Variants in ZNF654 observed in about 807,000 individuals in gnomAD.
ZNF654 encodes melanoma-associated antigen.
ZNF654 carries 19 observed loss-of-function variants against 95.3 expected under a neutral mutation model. The observed-to-expected ratio is 0.20, with a 90% CI of 0.14 to 0.29. ZNF654 has a LOEUF of 0.29. Among genes scored for constraint, ZNF654 ranks in the 10% least tolerant of loss-of-function variants. ZNF654 has a pLI of 1.00. For missense variants in ZNF654, 1,046 were observed against 1,341.0 expected (o/e 0.78, Z 3.44); for synonymous variants, 413 against 457.9 (o/e 0.90, Z 1.25).
In ZNF654 at chr3:88,059,315, G is replaced by A. The variant is rs754189967; in HGVS notation, c.-5G>A. 2 of 1,533,588 alleles carry A rather than the reference G, an allele frequency of 1.3e-6. No homozygotes were observed. Among genetic ancestry groups the A allele is most frequent in the Admixed American group, 2.0e-5 (1 of 50,924 alleles). 95.0% of individuals were successfully genotyped at this position (1,533,588 alleles called of 1,614,324 possible). A position where few individuals can be genotyped will look rare whatever the true frequency, so the allele number is the denominator to read the frequency against. ...GGCTGGTACGCGCTGGGCGGCGAGA[G>A]CCTCATGGCGGAGGAAGAGAGCGAC... On this transcript the variant is annotated 5_prime_UTR_variant, in exon 1 of 9. Coordinates refer to ENST00000636215, the MANE Select transcript of ZNF654 (RefSeq NM_001350134.2).
rs1267398581 is a variant in ZNF654, at chr3:88,059,458, G to T, written c.139G>T (p.Gly47Cys). 2.0e-6 allele frequency: 3 copies of T among 1,522,828 alleles called. No homozygotes were observed. The highest frequency in any genetic ancestry group is 2.6e-6 in the Non-Finnish European group (3 of 1,142,272). The allele number at this position is 1,522,828 out of a possible 1,614,324, so 94.3% of individuals were successfully genotyped here. A position where few individuals can be genotyped will look rare whatever the true frequency, so the allele number is the denominator to read the frequency against. Residue 47 changes from glycine (G) to cysteine (C), a missense_variant, in exon 1 of 9, where the codon GGC becomes TGC. Physicochemically the swap from Gly to Cys is radical, Grantham distance 159 (BLOSUM62 -3). Around this residue, in one of 9 missense-constraint regions of ZNF654, gnomAD observed 89 missense variants for 77.9 expected, o/e 1.14. Coordinates refer to ENST00000636215, the MANE Select transcript of ZNF654 (RefSeq NM_001350134.2). ...RGGAGSGNCG[G>C]GVGISSRDYC... ...CGGCGCTGGCAGCGGCAACTGCGGC[G>T]GCGGCGTCGGAATCAGCAGTCGGGA...
chr3:88,116,348 T>G (rs757195052), intron 3 of ZNF654, among the ~76,000 whole-genome samples: 4 of 151,690 alleles, frequency 2.6e-5, no homozygotes, highest in Admixed American at 1.3e-4. Context: ...TGGAGAAAAC[T>G]CGTCCCTACT....
chr3:88,140,116 TTTG>T lies in ZNF654; in HGVS notation c.2450_2452del (p.Cys817del). The T allele has an allele frequency of 6.2e-7, 1 of 1,613,884 alleles. No homozygotes were observed. Among genetic ancestry groups the T allele is most frequent in the Non-Finnish European group, 8.5e-7 (1 of 1,179,820 alleles). The stretch of plus-strand genomic sequence containing the variant: ...AGACATAGCTATCCAAATGTGTATT[TTTG>T]TTTGCATTTTAATTGCAACGAGTCG... On this transcript the variant is annotated inframe_deletion, in exon 8 of 9. Transcript: ENST00000636215.
intron 2 of ZNF654, among the ~76,000 whole-genome samples, chr3:88,094,233 TA>T (rs893815539): frequency 6.6e-6 from 1 of 152,120 alleles, no homozygotes; most frequent in African/African-American, 2.4e-5. Flanking sequence ...AAGTCAATAT[TA>T]AAAAACTCTT....
intron 2 of ZNF654, among the ~76,000 whole-genome samples, chr3:88,097,869 A>C (rs1704159747): frequency 6.6e-6 from 1 of 152,224 alleles, no homozygotes; most frequent in Non-Finnish European, 1.5e-5. Context: ...AAATGCCCAC[A>C]AGAGAAAGCA....
At position 88,126,231 on chromosome 3, in the gene ZNF654, A is replaced by G. The variant is rs1416375011; in HGVS notation, c.512A>G (p.Gln171Arg). The change falls in exon 4 of 9, where the codon CAA becomes CGA. Residue 171 changes from glutamine to arginine, a missense_variant. Gln to Arg is a conservative substitution (Grantham distance 43). Coordinates refer to ENST00000636215, the MANE Select transcript of ZNF654 (RefSeq NM_001350134.2). ...DGGPWEDPVL[Q>R]AVLKAQPASQ... ...GGCCCATGGGAAGATCCAGTGTTGCAAGCTGTCCTTAAAGCTCAGCCAGCA... is the reference window on the plus strand; with the variant it reads ...GGCCCATGGGAAGATCCAGTGTTGCGAGCTGTCCTTAAAGCTCAGCCAGCA... 1.3e-6 allele frequency: 2 copies of G among 1,529,766 alleles called. No individual in the cohort carries two copies. Among genetic ancestry groups the G allele is most frequent in the East Asian group, 2.4e-5 (1 of 40,836 alleles). 94.8% of individuals were successfully genotyped at this position (1,529,766 alleles called of 1,614,324 possible).
At chr3:88,135,788 T>C (rs1706744724) in intron 7 of ZNF654, among the ~76,000 whole-genome samples, 2 of 152,132 alleles carry the variant, frequency 1.3e-5, no homozygotes, top group African/African-American at 4.8e-5. Flanking sequence ...TGCAGATCTT[T>C]TAGTTTTTCC....
At chr3:88,105,819 C>T (rs1340777573) in intron 2 of ZNF654, among the ~76,000 whole-genome samples, 1 of 152,076 alleles carries the variant, frequency 6.6e-6, no homozygotes, top group Non-Finnish European at 1.5e-5. Context: ...TTTATCCCCC[C>T]AAAACTCATA....
intron 1 of ZNF654, among the ~76,000 whole-genome samples, chr3:88,082,413 C>T (rs1419007572): frequency 6.6e-6 from 1 of 152,234 alleles, no homozygotes; most frequent in East Asian, 1.9e-4. Flanking sequence ...GCGTGAGCCA[C>T]CACACCTGGC....
intron 3 of ZNF654, among the ~76,000 whole-genome samples, chr3:88,125,925 A>G (rs1054716544): frequency 6.6e-6 from 1 of 152,212 alleles, no homozygotes; most frequent in Non-Finnish European, 1.5e-5. Context: ...AAGTCCAGTT[A>G]TACAGATACT....
intron 2 of ZNF654, among the ~76,000 whole-genome samples, chr3:88,096,522 T>A (rs961307697): frequency 2.6e-5 from 4 of 152,138 alleles, no homozygotes; most frequent in African/African-American, 9.7e-5. Flanking sequence ...CAAAGACCTT[T>A]GTTTTGGAAG....
chr3:88,068,524 A>G (rs1707327455), intron 1 of ZNF654, among the ~76,000 whole-genome samples: 3 of 152,158 alleles, frequency 2.0e-5, no homozygotes, highest in Non-Finnish European at 4.4e-5. Context: ...ATTGACATCA[A>G]CCAGTATGTT....
intron 7 of ZNF654, among the ~76,000 whole-genome samples, chr3:88,137,775 G>A (rs1706886723): frequency 6.6e-6 from 1 of 152,246 alleles, no homozygotes; most frequent in African/African-American, 2.4e-5. Context: ...AAGTCTGCCT[G>A]TGGGAACTGT....
chr3:88,135,459 T>A (rs1294106804), intron 7 of ZNF654: 1 of 251,012 alleles, frequency 4.0e-6, no homozygotes, highest in Non-Finnish European at 7.5e-6. Flanking sequence ...AAATATTTGT[T>A]ACTTTCAATA....
intron 1 of ZNF654, among the ~76,000 whole-genome samples, chr3:88,072,632 C>T (rs1707580395): frequency 6.6e-6 from 1 of 152,092 alleles, no homozygotes; most frequent in Non-Finnish European, 1.5e-5. Context: ...CCTGAACACC[C>T]CATGTAAAGC....
At chr3:88,102,415 T>TA (rs1214918894) in intron 2 of ZNF654, among the ~76,000 whole-genome samples, 1 of 152,196 alleles carries the variant, frequency 6.6e-6, no homozygotes, top group East Asian at 1.9e-4. Context: ...ATTATACTGT[T>TA]ATCTTCTATA....
At chr3:88,068,957 C>G (rs1707351275) in intron 1 of ZNF654, among the ~76,000 whole-genome samples, 1 of 152,018 alleles carries the variant, frequency 6.6e-6, no homozygotes, top group South Asian at 2.1e-4. Flanking sequence ...ATTGTACCAT[C>G]TATGCATATA....
At chr3:88,108,846 A>G (rs1704905450) in intron 2 of ZNF654, among the ~76,000 whole-genome samples, 1 of 152,110 alleles carries the variant, frequency 6.6e-6, no homozygotes, top group Non-Finnish European at 1.5e-5. Flanking sequence ...AAAAAATTGT[A>G]TGCTGAGGTT....
At chr3:88,138,594 A>G in intron 7 of ZNF654, 111 bp from the exon 8 acceptor site, 1 of 573,928 alleles carries the variant, frequency 1.7e-6, no homozygotes, top group Non-Finnish European at 2.6e-6. Context: ...GGACATTGGA[A>G]TACTATGTTT....
Sources: allele counts gnomAD v4.1 joint callset (sites outside exome capture counted in the v4.1 genomes callset), GRCh38; gene constraint gnomAD v4.1.1; regional missense constraint gnomAD v4.1.1; transcripts MANE v1.5; gene names NCBI Gene and HGNC (gene_info 2026-07-23, HGNC 2026-07-21).